ACOXL: variants seen among roughly 807,000 people sequenced by gnomAD.
ACOXL encodes the protein acyl-coenzyme A oxidase-like protein.
In ACOXL, 70 loss-of-function variants were observed where a neutral mutation model predicts 71.9. The ratio of observed to expected loss-of-function variants is 0.97; its 90% CI spans 0.80 to 1.19. The LOEUF is 1.19. Ranked by LOEUF, ACOXL falls within the 50% of genes most tolerant of loss-of-function variation. The pLI is 0.00. For missense variants in ACOXL, 703 were observed against 736.3 expected (o/e 0.95, Z 0.52); for synonymous variants, 253 against 281.6 (o/e 0.90, Z 1.02).
At chr2:110,857,765 G>T (rs1221432648) in intron 10 of ACOXL, among the ~76,000 whole-genome samples, 1 of 152,060 alleles carries the variant, frequency 6.6e-6, no homozygotes, top group Admixed American at 6.6e-5. Context: ...TGGCTCTGTT[G>T]CCCAGGCTGG....
At chr2:110,794,263 C>A in intron 5 of ACOXL, 89 bp downstream of exon 5, 3 of 1,257,408 alleles carry the variant, frequency 2.4e-6, no homozygotes, top group Middle Eastern at 1.9e-4. Flanking sequence ...AGCTTCACAC[C>A]CTCTGTGTGT....
intron 2 of ACOXL, among the ~76,000 whole-genome samples, chr2:110,770,795 G>C (rs1194961827): frequency 6.6e-6 from 1 of 152,224 alleles, no homozygotes; most frequent in Non-Finnish European, 1.5e-5. Context: ...CCAGCTTCTT[G>C]CTCCCTTAAT....
chr2:110,940,244 A>G (rs144581375), intron 12 of ACOXL, among the ~76,000 whole-genome samples: 1 of 152,276 alleles, frequency 6.6e-6, no homozygotes, highest in East Asian at 1.9e-4. Context: ...ACTGTTTGCA[A>G]AACACAGCCC....
At chr2:110,919,822 T>C (rs2060001394) in intron 11 of ACOXL, among the ~76,000 whole-genome samples, 1 of 152,216 alleles carries the variant, frequency 6.6e-6, no homozygotes, top group South Asian at 2.1e-4. Context: ...TGTAGTCTTT[T>C]GGATATACCT....
chr2:110,974,877 T>A (rs902497621), intron 12 of ACOXL, among the ~76,000 whole-genome samples: 1 of 152,178 alleles, frequency 6.6e-6, no homozygotes, highest in African/African-American at 2.4e-5. Context: ...CTGTGGCAGG[T>A]GGCCAAGAGA....
chr2:110,838,372 A>G (rs569792321), intron 9 of ACOXL, among the ~76,000 whole-genome samples: 149 of 152,174 alleles, frequency 9.8e-4, no homozygotes, highest in African/African-American at 3.5e-3. Context: ...GTGTGTGCGC[A>G]CACACAGGCA....
chr2:111,013,254 G>A (rs1341435591), intron 14 of ACOXL, among the ~76,000 whole-genome samples: 1 of 152,162 alleles, frequency 6.6e-6, no homozygotes, highest in East Asian at 1.9e-4. Context: ...GCCAGGTGCG[G>A]TGGCTCATGC....
At chr2:110,975,740 A>G (rs913148124) in intron 12 of ACOXL, among the ~76,000 whole-genome samples, 1 of 152,184 alleles carries the variant, frequency 6.6e-6, no homozygotes, top group East Asian at 1.9e-4. Flanking sequence ...TAAAGCAAGA[A>G]CAGCCTGCTA....
intron 17 of ACOXL, chr2:111,093,766 A>G (rs759637627): frequency 4.9e-6 from 2 of 411,622 alleles, no homozygotes; most frequent in Non-Finnish European, 8.7e-6. Flanking sequence ...CGGGAGGCTG[A>G]GGCACGAGAA....
intron 10 of ACOXL, among the ~76,000 whole-genome samples, chr2:110,890,988 G>A (rs193258280): frequency 6.6e-6 from 1 of 151,886 alleles, no homozygotes; most frequent in African/African-American, 2.4e-5. Flanking sequence ...CAGTACACAA[G>A]TGTTATATTT....
chr2:110,935,271 G>A (rs947388831), intron 12 of ACOXL, among the ~76,000 whole-genome samples: 3 of 152,098 alleles, frequency 2.0e-5, no homozygotes, highest in African/African-American at 7.2e-5. Flanking sequence ...CTGGGCTCCC[G>A]TGACTCATTC....
chr2:110,751,468 T>G (rs1162811514), intron 1 of ACOXL, among the ~76,000 whole-genome samples: 1 of 152,216 alleles, frequency 6.6e-6, no homozygotes, highest in East Asian at 1.9e-4. Flanking sequence ...ATCCCATTTT[T>G]GGGTTTTTGG....
At chr2:110,809,264 C>T (rs1420796320) in intron 9 of ACOXL, among the ~76,000 whole-genome samples, 1 of 152,252 alleles carries the variant, frequency 6.6e-6, no homozygotes, top group African/African-American at 2.4e-5. Context: ...TGTAAGCAGG[C>T]ACTGGGGTCG....
At position 110,968,497 on chromosome 2, in the gene ACOXL, C is replaced by G. The variant is rs1469725858; in HGVS notation, c.1060-18611C>G. ...AGAAGATGAAGATGCTTACAAGAAA[C>G]AGTTCTCTCAATACACAAAGAACAG... is the stretch of plus-strand genomic sequence containing the variant. On this transcript the variant is annotated intron_variant, in intron 12 of 17. Transcript: ENST00000439055. 27 of 1,313,998 alleles carry G rather than the reference C, an allele frequency of 2.1e-5. No homozygotes were observed. The South Asian group carries it at 3.1e-4, about 15-fold the overall frequency. The allele number at this position is 1,313,998 out of a possible 1,614,324, so 81.4% of individuals were successfully genotyped here.
At chr2:111,110,864 A>C (rs947431164) in intron 17 of ACOXL, among the ~76,000 whole-genome samples, 1 of 152,228 alleles carries the variant, frequency 6.6e-6, no homozygotes, top group Admixed American at 6.5e-5. Flanking sequence ...GAGCCCTCCC[A>C]GTTGATTTTC....
At chr2:110,805,206 G>A (rs1363042439) in intron 8 of ACOXL, 57 bp from the exon 9 acceptor site, 23 of 1,601,648 alleles carry the variant, frequency 1.4e-5, no homozygotes, top group South Asian at 3.3e-5. Flanking sequence ...ACCTGACTTC[G>A]TTTCTGGTGG....
At chr2:110,892,842 T>A (rs1295540629) in intron 10 of ACOXL, among the ~76,000 whole-genome samples, 2 of 152,160 alleles carry the variant, frequency 1.3e-5, no homozygotes, top group Non-Finnish European at 2.9e-5. Context: ...TCAAGGGAAT[T>A]GTCTGGGAAG....
intron 15 of ACOXL, among the ~76,000 whole-genome samples, chr2:111,036,513 G>A (rs949611393): frequency 5.9e-5 from 9 of 152,356 alleles, no homozygotes; most frequent in Middle Eastern, 3.4e-3. Context: ...GCATCTTGGA[G>A]GTCCCAACAT....
At position 110,826,049 on chromosome 2, in the gene ACOXL, C is replaced by A. The variant is rs369944382; in HGVS notation, c.754-15322C>A. 8.5e-5 allele frequency among the ~76,000 whole-genome samples: 13 copies of A among 152,284 alleles called. No homozygotes were observed. The South Asian group carries it at 2.7e-3, about 32-fold the overall frequency. ...AAAAGGACAGTGACAGCCACAACAACCCCCATCAAATTTCAGTGGCTTTAT... is the reference window on the plus strand; with the variant it reads ...AAAAGGACAGTGACAGCCACAACAAACCCCATCAAATTTCAGTGGCTTTAT... On this transcript the variant is annotated intron_variant, in intron 9 of 17. Transcript: ENST00000439055.
Sources: allele counts gnomAD v4.1 joint callset (sites outside exome capture counted in the v4.1 genomes callset), GRCh38; gene constraint gnomAD v4.1.1; transcripts MANE v1.5; gene names NCBI Gene and HGNC (gene_info 2026-07-23, HGNC 2026-07-21).